The following NBAS variants were observed in gnomAD, a reference collection of about 807,000 sequenced individuals.
NBAS encodes the protein NBAS subunit of NRZ tethering complex.
NBAS carries 219 observed loss-of-function variants against 302.5 expected under a neutral mutation model. That is an observed-to-expected ratio of 0.72 (90% CI 0.65 to 0.81). The LOEUF (loss-of-function observed/expected upper bound fraction) is 0.81, where lower values mean the gene tolerates loss of function less well. Among genes scored for constraint, NBAS ranks in the 30% least tolerant of loss-of-function variants. The probability of loss-of-function intolerance (pLI) is 0.00; values close to 1 mark genes in which losing one functional copy is unlikely to be tolerated. For missense variants in NBAS, 2,932 were observed against 2,841.6 expected (o/e 1.03, Z -0.72); for synonymous variants, 1,118 against 1,021.6 (o/e 1.09, Z -1.80).
chr2:15,364,178 G>T (rs1674079314), intron 32 of NBAS, among the ~76,000 whole-genome samples: 1 of 152,180 alleles, frequency 6.6e-6, no homozygotes. Flanking sequence ...CTGTCTAACT[G>T]AGTCCAAGAA....
chr2:15,366,527 G>A, intron 32 of NBAS, 53 bp downstream of exon 32: 2 of 1,497,636 alleles, frequency 1.3e-6, no homozygotes, highest in Non-Finnish European at 1.9e-6. Flanking sequence ...CTGCAATGAT[G>A]TCAAGAATAA....
the NBAS span, among the ~76,000 whole-genome samples, chr2:15,111,341 T>A: frequency 6.6e-6 from 1 of 152,220 alleles, no homozygotes; most frequent in East Asian, 1.9e-4. Flanking sequence ...GGTGACAAGA[T>A]ACCCCATGAA....
chr2:15,315,609 C>G (rs532825910), intron 38 of NBAS, among the ~76,000 whole-genome samples: 45 of 152,320 alleles, frequency 3.0e-4, no homozygotes, highest in Non-Finnish European at 6.0e-4. Flanking sequence ...CCACACTAAA[C>G]CCATGGCCTC....
Position 15,474,181 on chromosome 2 carries a change from CAAGTA to C in NBAS, c.1480_1484del (p.Tyr494GlyfsTer3). On this transcript the variant is annotated frameshift_variant, in exon 15 of 52. Transcript: ENST00000281513. LOFTEE classifies it high-confidence loss of function. Reference sequence around the variant, plus strand: ...GTGCAAATCGCTCCATTTCAGTCACCAAGTAAAGGCCCTGTTTTATATAACCAAAG... The same window carrying C: ...GTGCAAATCGCTCCATTTCAGTCACCAAGGCCCTGTTTTATATAACCAAAG... The C allele has an allele frequency of 6.2e-7, 1 of 1,613,994 alleles. No individual in the cohort carries two copies.
the NBAS span, among the ~76,000 whole-genome samples, chr2:14,861,489 C>T: frequency 6.6e-6 from 1 of 152,146 alleles, no homozygotes; most frequent in Non-Finnish European, 1.5e-5. Flanking sequence ...ATGCACATGC[C>T]AGTTTAGAAA....
chr2:14,921,187 G>A, the NBAS span, among the ~76,000 whole-genome samples: 1 of 152,108 alleles, frequency 6.6e-6, no homozygotes, highest in African/African-American at 2.4e-5. Context: ...CCCAAGGAGA[G>A]GGGGAGAGAG....
chr2:15,073,051 A>G, the NBAS span, among the ~76,000 whole-genome samples: 8 of 152,282 alleles, frequency 5.3e-5, no homozygotes, highest in African/African-American at 1.4e-4. Flanking sequence ...TAAGCCTGGG[A>G]AAATGGAGGC....
chr2:15,300,625 T>C (rs1218712581), intron 40 of NBAS, among the ~76,000 whole-genome samples: 1 of 152,186 alleles, frequency 6.6e-6, no homozygotes, highest in Admixed American at 6.5e-5. Context: ...CTCATCTACA[T>C]ACCATCAACA....
chr2:15,204,756 T>C (rs1428283350), intron 48 of NBAS, among the ~76,000 whole-genome samples: 5 of 152,204 alleles, frequency 3.3e-5, no homozygotes, highest in East Asian at 1.9e-4. Flanking sequence ...AACTATCGCA[T>C]GGACAGAAAA....
chr2:15,078,777 T>C, the NBAS span, among the ~76,000 whole-genome samples: 1 of 152,194 alleles, frequency 6.6e-6, no homozygotes, highest in African/African-American at 2.4e-5. Context: ...AAATCAGTAG[T>C]TGGTCCATAA....
chr2:15,028,106 C>T, the NBAS span, among the ~76,000 whole-genome samples: 31 of 152,164 alleles, frequency 2.0e-4, no homozygotes, highest in African/African-American at 7.0e-4. Context: ...AGATAAATTG[C>T]CACAGAAAAA....
At chr2:15,377,784 A>G (rs1315761022) in intron 30 of NBAS, among the ~76,000 whole-genome samples, 1 of 152,264 alleles carries the variant, frequency 6.6e-6, no homozygotes, top group Non-Finnish European at 1.5e-5. Flanking sequence ...ACACTAGCTC[A>G]ATAAACAACT....
chr2:15,115,278 C>A, the NBAS span, among the ~76,000 whole-genome samples: 1 of 152,120 alleles, frequency 6.6e-6, no homozygotes, highest in African/African-American at 2.4e-5. Flanking sequence ...GTTTCAATCC[C>A]TGGGGAAAAA....
intron 40 of NBAS, among the ~76,000 whole-genome samples, chr2:15,294,178 G>A (rs530017513): frequency 1.3e-5 from 2 of 152,170 alleles, no homozygotes; most frequent in Non-Finnish European, 2.9e-5. Context: ...AGTAAGCCTA[G>A]GGTGCTCTGG....
At chr2:15,516,984 G>C (rs780279561) in intron 9 of NBAS, among the ~76,000 whole-genome samples, 48 of 152,062 alleles carry the variant, frequency 3.2e-4, no homozygotes, top group Non-Finnish European at 5.9e-4. Flanking sequence ...ATTGCAAATT[G>C]AAGCAATCAT....
chr2:15,068,344 A>C, the NBAS span, among the ~76,000 whole-genome samples: 2 of 152,186 alleles, frequency 1.3e-5, no homozygotes, highest in East Asian at 3.8e-4. Context: ...AGCTACAATT[A>C]AGAAGGCATC....
In NBAS at chr2:15,232,477, G is replaced by C; in HGVS notation, c.6181C>G (p.Pro2061Ala). 1 of 1,613,972 alleles carries C rather than the reference G, an allele frequency of 6.2e-7. No homozygotes were observed. The highest frequency in any genetic ancestry group is 8.5e-7 in the Non-Finnish European group (1 of 1,180,002). ...ACAACACCTTCCAGGACCTTCAGTG[G>C]GTCCCTTGGCCCACCAAGGTCAGCA... ...GSADLGGPRD[P>A]LKVLEGVVAA... The change falls in exon 47 of 52, where the codon CCA becomes GCA. Residue 2061 changes from proline (P) to alanine (A), a missense_variant. Coordinates refer to ENST00000281513, the MANE Select transcript of NBAS (RefSeq NM_015909.4).
intron 21 of NBAS, among the ~76,000 whole-genome samples, chr2:15,440,065 A>G (rs1321678124): frequency 6.6e-6 from 1 of 152,264 alleles, no homozygotes; most frequent in Non-Finnish European, 1.5e-5. Context: ...TGTAGGCTCC[A>G]TCTCTGGGGG....
the NBAS span, among the ~76,000 whole-genome samples, chr2:14,964,003 T>C: frequency 1.3e-5 from 2 of 152,304 alleles, no homozygotes; most frequent in East Asian, 3.9e-4. Context: ...CAAACAATTA[T>C]TAAAAGCAAG....
Sources: gnomAD v4.1 joint callset for allele counts (sites outside exome capture counted in the v4.1 genomes callset) on GRCh38, gnomAD v4.1.1 for gene constraint, MANE v1.5 for transcripts, NCBI Gene and HGNC (gene_info 2026-07-23, HGNC 2026-07-21) for gene names.